Variants in SCN3A observed in about 807,000 individuals in gnomAD.
SCN3A encodes sodium channel protein type 3 subunit alpha.
Under a neutral mutation model 187.6 loss-of-function variants are expected in SCN3A, and 60 were observed. That is an observed-to-expected ratio of 0.32 (90% confidence interval 0.26 to 0.40). The LOEUF (loss-of-function observed/expected upper bound fraction) is 0.40. SCN3A is among the 10% of genes least tolerant of loss of function. The pLI is 1.00. For synonymous variants in SCN3A, 788 were observed against 829.2 expected (o/e 0.95, Z 0.85); for missense variants, 1,601 against 2,428.2 (o/e 0.66, Z 7.16).
At chr2:165,109,208 T>C (rs1288838917) in intron 21 of SCN3A, among the ~76,000 whole-genome samples, 1 of 152,166 alleles carries the variant, frequency 6.6e-6, no homozygotes. Flanking sequence ...AACTTCTAAA[T>C]GTTATAGTGT....
At chr2:165,189,340 A>G (rs960980764) in intron 1 of SCN3A, among the ~76,000 whole-genome samples, 1 of 152,196 alleles carries the variant, frequency 6.6e-6, no homozygotes, top group African/African-American at 2.4e-5. Flanking sequence ...AGTGAATTTC[A>G]TTTAGAAGGT....
intron 21 of SCN3A, among the ~76,000 whole-genome samples, chr2:165,107,631 C>T (rs969308550): frequency 6.6e-6 from 1 of 152,198 alleles, no homozygotes; most frequent in Admixed American, 6.5e-5. Context: ...TACGCAATCA[C>T]CTTCGGTGTC....
At chr2:165,139,816 G>A in intron 13 of SCN3A, 1 of 582,454 alleles carries the variant, frequency 1.7e-6, no homozygotes, top group South Asian at 2.1e-5. Context: ...GAATTCACCA[G>A]TGGGATGCAG....
chr2:165,155,902 G>A lies in SCN3A; in HGVS notation c.1033C>T (p.Gln345Ter). The A allele has an allele frequency of 6.2e-7, 1 of 1,614,030 alleles. No individual in the cohort carries two copies. The highest frequency in any genetic ancestry group is 8.5e-7 in the Non-Finnish European group (1 of 1,179,970). ...LLCGNGSDAGQCPEGYICVKA... is the reference protein window; with the variant it reads ...LLCGNGSDAG ...ACACAGATGTATCCTTCTGGACACT[G>A]GCTATAAGAGAGAGAAATGGAGGTA... Residue 345 changes from glutamine to a stop codon, truncating the protein, a stop_gained and splice_region_variant, in exon 10 of 28, where the codon CAG becomes TAG. Coordinates refer to ENST00000283254, the MANE Select transcript of SCN3A (RefSeq NM_006922.4). LOFTEE classifies it high-confidence loss of function.
chr2:165,131,450 C>G, intron 15 of SCN3A, 33 bp from the exon 16 acceptor site: 1 of 1,436,648 alleles, frequency 7.0e-7, no homozygotes, highest in Non-Finnish European at 9.6e-7. Context: ...ACTTCAAGAG[C>G]ACTGAAAAAC....
At chr2:165,192,085 T>C (rs2105971822) in intron 1 of SCN3A, among the ~76,000 whole-genome samples, 1 of 152,276 alleles carries the variant, frequency 6.6e-6, no homozygotes, top group South Asian at 2.1e-4. Context: ...CTTTGTTTTG[T>C]ATTATATAGA....
rs542644135 is a variant in SCN3A, at chr2:165,191,951, T to C, written c.-247-5204A>G. Among the ~76,000 whole-genome samples, 31 of 152,186 alleles carry C rather than the reference T, an allele frequency of 2.0e-4. No individual in the cohort carries two copies. In the East Asian group the frequency reaches 5.8e-3, roughly 28 times the overall value. Reference sequence around the variant, plus strand: ...AGTTTTTTTTTTTAGATTTATTATTTGGAAATTCAGCCCAATCTTTAGAAA... The same window carrying C: ...AGTTTTTTTTTTTAGATTTATTATTCGGAAATTCAGCCCAATCTTTAGAAA... On this transcript the variant is annotated intron_variant, in intron 1 of 27. Transcript: ENST00000283254.
At chr2:165,134,764 A>C (rs1270398555) in intron 15 of SCN3A, among the ~76,000 whole-genome samples, 1 of 152,062 alleles carries the variant, frequency 6.6e-6, no homozygotes, top group Non-Finnish European at 1.5e-5. Context: ...AACTTTTAGA[A>C]GCAGCTATTA....
Position 165,089,887 on chromosome 2 carries a change from C to A in SCN3A, c.*263G>T. 2.1e-6 allele frequency: 1 copy of A among 487,700 alleles called. No individual in the cohort carries two copies. Among genetic ancestry groups the A allele is most frequent in the Non-Finnish European group, 3.7e-6 (1 of 270,692 alleles). The allele number at this position is 487,700 out of a possible 1,614,324, so 30.2% of individuals were successfully genotyped here. ...CAATGTTCACTTTGCACAACTATCC[C>A]TATAGTCTAGGTAGCCATTGGGTTT... is the stretch of plus-strand genomic sequence containing the variant. On this transcript the variant is annotated 3_prime_UTR_variant, in exon 28 of 28. Transcript: ENST00000283254.
intron 25 of SCN3A, among the ~76,000 whole-genome samples, chr2:165,095,213 A>G (rs189136413): frequency 1.3e-5 from 2 of 152,250 alleles, no homozygotes; most frequent in Admixed American, 1.3e-4. Flanking sequence ...GAAGATGGAA[A>G]ACTGGGTGGA....
intron 12 of SCN3A, among the ~76,000 whole-genome samples, chr2:165,144,551 C>A (rs562980924): frequency 1.3e-5 from 2 of 152,238 alleles, no homozygotes; most frequent in African/African-American, 4.8e-5. Context: ...CCTCTTTCAT[C>A]AGTTTAGAAT....
At chr2:165,136,782 G>T (rs535087254) in intron 15 of SCN3A, among the ~76,000 whole-genome samples, 1 of 152,196 alleles carries the variant, frequency 6.6e-6, no homozygotes, top group Admixed American at 6.6e-5. Flanking sequence ...CAAGAATATG[G>T]TGGGTGTTCT....
intron 18 of SCN3A, among the ~76,000 whole-genome samples, chr2:165,123,754 A>C (rs182673311): frequency 6.6e-6 from 1 of 152,220 alleles, no homozygotes; most frequent in Non-Finnish European, 1.5e-5. Flanking sequence ...CACCTGAAGT[A>C]TGCTAGCAGC....
intron 25 of SCN3A, 22 bp from the exon 26 acceptor site, chr2:165,094,500 G>A: frequency 6.7e-7 from 1 of 1,496,674 alleles, no homozygotes; most frequent in Non-Finnish European, 9.3e-7. Context: ...GTATAAAACT[G>A]GTTACAATTC....
At chr2:165,131,810 T>C (rs1403515819) in intron 15 of SCN3A, among the ~76,000 whole-genome samples, 4 of 146,178 alleles carry the variant, frequency 2.7e-5, no homozygotes, top group African/African-American at 1.0e-4. Flanking sequence ...GTCCATGTGT[T>C]CTCATTATTC....
At chr2:165,154,947 T>C (rs1688928399) in intron 10 of SCN3A, among the ~76,000 whole-genome samples, 1 of 152,282 alleles carries the variant, frequency 6.6e-6, no homozygotes, top group Admixed American at 6.5e-5. Flanking sequence ...TGCAGAGCAA[T>C]AATATGACAA....
chr2:165,105,243 T>C (rs1431547294), intron 21 of SCN3A, among the ~76,000 whole-genome samples: 1 of 152,206 alleles, frequency 6.6e-6, no homozygotes, highest in African/African-American at 2.4e-5. Flanking sequence ...GAGTAAAATC[T>C]GTACTTGCTA....
At chr2:165,181,143 T>G (rs1471902538) in intron 2 of SCN3A, among the ~76,000 whole-genome samples, 1 of 152,210 alleles carries the variant, frequency 6.6e-6, no homozygotes, top group African/African-American at 2.4e-5. Context: ...ATTTAGATTT[T>G]CATAAATGCT....
intron 2 of SCN3A, among the ~76,000 whole-genome samples, chr2:165,177,280 T>C (rs1361520668): frequency 6.6e-6 from 1 of 152,196 alleles, no homozygotes; most frequent in Non-Finnish European, 1.5e-5. Flanking sequence ...GGTGCTACAC[T>C]GTCCGTTCTA....
Sources: allele counts gnomAD v4.1 joint callset (sites outside exome capture counted in the v4.1 genomes callset), GRCh38; gene constraint gnomAD v4.1.1; transcripts MANE v1.5; gene names NCBI Gene and HGNC (gene_info 2026-07-23, HGNC 2026-07-21).